GRM5: variants seen among roughly 807,000 people sequenced by gnomAD.
GRM5 encodes metabotropic glutamate receptor 5.
Under a neutral mutation model 83.1 loss-of-function variants are expected in GRM5, and 19 were observed. That is an observed-to-expected ratio of 0.23 (90% CI 0.16 to 0.34). GRM5 has a LOEUF of 0.34. Among genes scored for constraint, GRM5 ranks in the 10% least tolerant of loss-of-function variants. GRM5 has a pLI of 1.00. For synonymous variants in GRM5, 675 were observed against 633.6 expected, an observed-to-expected ratio of 1.07 and a Z score of -0.98; for missense variants, 1,160 against 1,588.3, an observed-to-expected ratio of 0.73 and a Z score of 4.58.
Position 88,886,715 on chromosome 11 carries a change from C to T in GRM5, c.662-36560G>A, listed in dbSNP as rs541948620. ...TCTGACTACCCTGATGAGATGTCGGCAACAGAATCTCCAACTTTTTATCAT... is the reference window on the plus strand; with the variant it reads ...TCTGACTACCCTGATGAGATGTCGGTAACAGAATCTCCAACTTTTTATCAT... On this transcript the variant is annotated intron_variant, in intron 2 of 9. Coordinates refer to ENST00000305447, the MANE Select transcript of GRM5 (RefSeq NM_001143831.3). Among the ~76,000 whole-genome samples, 5 of 152,280 alleles carry T rather than the reference C, an allele frequency of 3.3e-5. No individual in the cohort carries two copies. The East Asian group carries it at 9.7e-4, about 29-fold the overall frequency.
chr11:88,829,432 A>G (rs1475073131), intron 3 of GRM5, among the ~76,000 whole-genome samples: 3 of 152,218 alleles, frequency 2.0e-5, no homozygotes, highest in Non-Finnish European at 4.4e-5. Context: ...CTGCACTCCA[A>G]CCTGGGCAAC....
At chr11:88,621,952 A>G (rs1423549666) in intron 4 of GRM5, among the ~76,000 whole-genome samples, 1 of 152,168 alleles carries the variant, frequency 6.6e-6, no homozygotes, top group Non-Finnish European at 1.5e-5. Flanking sequence ...TAGGGTAGAA[A>G]GTAGATCTAT....
At chr11:88,816,965 C>T (rs962252844) in intron 3 of GRM5, among the ~76,000 whole-genome samples, 5 of 152,122 alleles carry the variant, frequency 3.3e-5, no homozygotes, top group African/African-American at 7.2e-5. Context: ...ATCTGTCTGT[C>T]GGTCTGTCTA....
chr11:88,543,703 G>T (rs1411860311), intron 8 of GRM5, among the ~76,000 whole-genome samples: 1 of 147,848 alleles, frequency 6.8e-6, no homozygotes, highest in East Asian at 2.0e-4. Flanking sequence ...TACCCACAAA[G>T]GATCGAGTTA....
At chr11:88,769,668 T>A (rs1396640090) in intron 3 of GRM5, among the ~76,000 whole-genome samples, 1 of 152,024 alleles carries the variant, frequency 6.6e-6, no homozygotes, top group Non-Finnish European at 1.5e-5. Context: ...GAACTCCTAG[T>A]GGACAAAGAT....
chr11:88,971,276 T>G (rs184921264), intron 2 of GRM5, among the ~76,000 whole-genome samples: 27 of 152,308 alleles, frequency 1.8e-4, no homozygotes, highest in Non-Finnish European at 3.2e-4. Flanking sequence ...CTTTTTTAAA[T>G]TTAACTGTTT....
chr11:88,703,356 G>A (rs759213015), intron 3 of GRM5, among the ~76,000 whole-genome samples: 13 of 148,110 alleles, frequency 8.8e-5, no homozygotes, highest in Non-Finnish European at 2.0e-4. Flanking sequence ...AAAGAAACTT[G>A]TCACATTGGG....
chr11:88,644,155 T>G (rs117513645), intron 4 of GRM5, among the ~76,000 whole-genome samples: 1 of 152,178 alleles, frequency 6.6e-6, no homozygotes, highest in East Asian at 1.9e-4. Context: ...AATTTATGAT[T>G]TTGTAACGGC....
chr11:88,650,742 A>G (rs1322649668), intron 4 of GRM5, among the ~76,000 whole-genome samples: 2 of 152,032 alleles, frequency 1.3e-5, no homozygotes, highest in African/African-American at 4.8e-5. Context: ...ACTATTATAT[A>G]ATGCAGATTT....
intron 3 of GRM5, among the ~76,000 whole-genome samples, chr11:88,754,421 C>T (rs1171033629): frequency 6.6e-6 from 1 of 152,034 alleles, no homozygotes; most frequent in Non-Finnish European, 1.5e-5. Context: ...TCCTGTACTC[C>T]TGAACTTAAA....
intron 4 of GRM5, among the ~76,000 whole-genome samples, chr11:88,615,995 CA>C (rs1169476593): frequency 6.6e-6 from 1 of 152,030 alleles, no homozygotes; most frequent in African/African-American, 2.4e-5. Context: ...TGGAAGTAGA[CA>C]GAAGGTTATA....
chr11:88,541,881 A>G (rs182255783), intron 8 of GRM5, among the ~76,000 whole-genome samples: 15 of 152,272 alleles, frequency 9.9e-5, no homozygotes, highest in African/African-American at 3.4e-4. Context: ...AAGGGAGGTG[A>G]TTGGATCGTG....
intron 3 of GRM5, among the ~76,000 whole-genome samples, chr11:88,753,432 T>C (rs911468544): frequency 6.6e-6 from 1 of 152,116 alleles, no homozygotes; most frequent in Non-Finnish European, 1.5e-5. Flanking sequence ...TGGTGATTAT[T>C]AAAAAGTCAA....
chr11:88,780,462 T>C (rs375889703), intron 3 of GRM5, among the ~76,000 whole-genome samples: 43 of 152,292 alleles, frequency 2.8e-4, no homozygotes, highest in African/African-American at 9.1e-4. Context: ...CGTTTTATGA[T>C]GTTGGGAGAG....
At chr11:88,856,700 T>C (rs1408399472) in intron 2 of GRM5, among the ~76,000 whole-genome samples, 1 of 152,068 alleles carries the variant, frequency 6.6e-6, no homozygotes, top group African/African-American at 2.4e-5. Flanking sequence ...GACATCACAG[T>C]AGGTTTGTTT....
chr11:88,512,601 G>A (rs1941406992), intron 9 of GRM5, among the ~76,000 whole-genome samples: 1 of 152,166 alleles, frequency 6.6e-6, no homozygotes, highest in Admixed American at 6.5e-5. Context: ...CATGGAAGGT[G>A]CAATAGAATA....
intron 3 of GRM5, among the ~76,000 whole-genome samples, chr11:88,659,206 A>G (rs931214913): frequency 6.6e-6 from 1 of 152,188 alleles, no homozygotes; most frequent in East Asian, 1.9e-4. Flanking sequence ...ACAACATTGC[A>G]TGTAGCTCCA....
chr11:88,871,083 A>G (rs1944759538), intron 2 of GRM5, among the ~76,000 whole-genome samples: 1 of 151,618 alleles, frequency 6.6e-6, no homozygotes, highest in Non-Finnish European at 1.5e-5. Flanking sequence ...AAAATTTAAA[A>G]ATGTTGAAAA....
intron 1 of GRM5, among the ~76,000 whole-genome samples, chr11:89,059,268 C>A (rs1941940041): frequency 6.6e-6 from 1 of 152,086 alleles, no homozygotes; most frequent in Non-Finnish European, 1.5e-5. Flanking sequence ...CTAAGTCTTT[C>A]TTTTACACTT....
Sources: allele counts gnomAD v4.1 joint callset (sites outside exome capture counted in the v4.1 genomes callset), GRCh38; gene constraint gnomAD v4.1.1; transcripts MANE v1.5; gene names NCBI Gene and HGNC (gene_info 2026-07-23, HGNC 2026-07-21).